Variants in SYN3 observed in about 807,000 individuals in gnomAD.
SYN3 encodes synapsin-3.
In SYN3, 35 loss-of-function variants were observed where a neutral mutation model predicts 65.8. That is an observed-to-expected ratio of 0.53 (90% CI 0.41 to 0.70). The LOEUF (loss-of-function observed/expected upper bound fraction) is 0.70, where lower values mean the gene tolerates loss of function less well. Among genes scored for constraint, SYN3 ranks in the 30% least tolerant of loss-of-function variants. SYN3 has a pLI of 0.00. For missense variants in SYN3, 680 were observed against 749.0 expected (o/e 0.91, Z 1.08); for synonymous variants, 270 against 292.9 (o/e 0.92, Z 0.80).
At chr22:32,669,911 C>A (rs1028453160) in intron 6 of SYN3, among the ~76,000 whole-genome samples, 1 of 152,074 alleles carries the variant, frequency 6.6e-6, no homozygotes, top group Non-Finnish European at 1.5e-5. Context: ...GGCCATGAGG[C>A]AGGTATAGCA....
chr22:32,820,273 T>C lies in SYN3; in HGVS notation c.711+44642A>G, dbSNP rs550405996. ...GTGTGTGTGTGTGTGCGTGCGCGTG[T>C]GTGTGTGTGTGTGTGGTGTGTGTGG... On this transcript the variant is annotated intron_variant, in intron 6 of 13. Coordinates refer to ENST00000358763, the MANE Select transcript of SYN3 (RefSeq NM_003490.4). Among the ~76,000 whole-genome samples the C allele has an allele frequency of 6.7e-3, 1,001 of 150,116 alleles. 13 individuals are homozygous for C. The highest frequency in any genetic ancestry group is 0.021 in the African/African-American group (875 of 40,736).
intron 6 of SYN3, among the ~76,000 whole-genome samples, chr22:32,742,578 C>T (rs1024896438): frequency 2.0e-5 from 3 of 152,154 alleles, no homozygotes; most frequent in African/African-American, 7.2e-5. Context: ...TGTTCTTTCT[C>T]ACTCTATAGA....
At chr22:33,052,986 A>G (rs1218287070) in intron 1 of SYN3, among the ~76,000 whole-genome samples, 1 of 152,226 alleles carries the variant, frequency 6.6e-6, no homozygotes, top group Non-Finnish European at 1.5e-5. Flanking sequence ...GCAACCACTG[A>G]TCAACTCAGA....
At chr22:32,917,852 C>T (rs973508754) in intron 4 of SYN3, among the ~76,000 whole-genome samples, 1 of 152,258 alleles carries the variant, frequency 6.6e-6, no homozygotes, top group African/African-American at 2.4e-5. Context: ...CTTTCTTGTG[C>T]TGCTCTCTTC....
At chr22:32,997,377 C>T (rs1002156809) in intron 2 of SYN3, among the ~76,000 whole-genome samples, 1 of 152,190 alleles carries the variant, frequency 6.6e-6, no homozygotes, top group Admixed American at 6.5e-5. Flanking sequence ...ATTTGACCAA[C>T]ACTCTTCAGC....
chr22:32,533,840 C>A lies in SYN3; in HGVS notation c.1048G>T (p.Ala350Ser), dbSNP rs1569012814. 4 of 1,613,980 alleles carry A rather than the reference C, an allele frequency of 2.5e-6. No individual in the cohort carries two copies. Among genetic ancestry groups the A allele is most frequent in the Non-Finnish European group, 3.4e-6 (4 of 1,179,952 alleles). ...TCCTTGCTGTGGACAGCCTTGACGG[C>A]ACAGATGTCCAGGCCGCCAAACATT... ...SEMFGGLDIC[A>S]VKAVHSKDGR... The change falls in exon 10 of 14, where the codon GCC becomes TCC. Residue 350 changes from alanine to serine, a missense_variant. Coordinates refer to ENST00000358763, the MANE Select transcript of SYN3 (RefSeq NM_003490.4).
intron 3 of SYN3, among the ~76,000 whole-genome samples, chr22:32,950,905 A>G (rs958733609): frequency 7.9e-5 from 12 of 152,142 alleles, no homozygotes; most frequent in African/African-American, 2.9e-4. Flanking sequence ...GTGATTGTCA[A>G]GGAAGGATTA....
chr22:32,974,303 A>G (rs1601820293), intron 3 of SYN3, among the ~76,000 whole-genome samples: 2 of 152,248 alleles, frequency 1.3e-5, no homozygotes, highest in Admixed American at 6.5e-5. Flanking sequence ...CAAGACACTT[A>G]CTCTCTGTGA....
chr22:32,690,205 T>G (rs2060644134), intron 6 of SYN3, among the ~76,000 whole-genome samples: 1 of 151,780 alleles, frequency 6.6e-6, no homozygotes, highest in African/African-American at 2.4e-5. Flanking sequence ...GAGAGATCCA[T>G]CTCCCCTTCT....
At position 32,801,694 on chromosome 22, in the gene SYN3, G is replaced by A; in HGVS notation, c.711+63221C>T. 5.5e-6 allele frequency: 1 copy of A among 182,256 alleles called. No individual in the cohort carries two copies. Among genetic ancestry groups the A allele is most frequent in the Non-Finnish European group, 1.1e-5 (1 of 89,520 alleles). The allele number at this position is 182,256 out of a possible 1,614,324, so 11.3% of individuals were successfully genotyped here. A position where few individuals can be genotyped will look rare whatever the true frequency, so the allele number is the denominator to read the frequency against. On this transcript the variant is annotated intron_variant, in intron 6 of 13. Coordinates refer to ENST00000358763, the MANE Select transcript of SYN3 (RefSeq NM_003490.4). This position sits in a 1 kb window ranked among gnomAD's most constrained non-coding sequence, Gnocchi z 4.7. ...CAGCGCTATATCACTCGGCCGCCCA[G>A]GCAGCGGCGCAGAGCGGGCAGCAGG...
intron 1 of SYN3, among the ~76,000 whole-genome samples, chr22:33,041,292 TTC>T (rs1288595979): frequency 2.3e-5 from 3 of 130,064 alleles, no homozygotes; most frequent in African/African-American, 8.9e-5. Context: ...TAGGAACTCT[TTC>T]TTTTTTTTTT....
At chr22:32,738,432 C>T (rs991504596) in intron 6 of SYN3, among the ~76,000 whole-genome samples, 1 of 152,244 alleles carries the variant, frequency 6.6e-6, no homozygotes, top group Admixed American at 6.5e-5. Context: ...TGGGATCCTT[C>T]CCTCTCCCCA....
intron 6 of SYN3, chr22:32,859,161 G>GT (rs1204803807): frequency 6.2e-7 from 1 of 1,614,062 alleles, no homozygotes; most frequent in Non-Finnish European, 8.5e-7. Flanking sequence ...ATCAACTGCT[G>GT]CCTGTTATCT....
At chr22:32,679,712 G>A (rs1264483532) in intron 6 of SYN3, among the ~76,000 whole-genome samples, 1 of 151,410 alleles carries the variant, frequency 6.6e-6, no homozygotes, top group African/African-American at 2.4e-5. Flanking sequence ...TTTGATTTTT[G>A]TTTCCTAATG....
intron 4 of SYN3, among the ~76,000 whole-genome samples, chr22:32,902,585 T>G (rs1271335183): frequency 6.6e-6 from 1 of 152,222 alleles, no homozygotes; most frequent in Non-Finnish European, 1.5e-5. Context: ...TTGCTTATGA[T>G]CACCTTGCTA....
At chr22:33,037,659 T>C (rs9609688) in intron 1 of SYN3, among the ~76,000 whole-genome samples, 28,411 of 152,046 alleles carry the variant, frequency 0.19, 2,996 homozygotes, top group East Asian at 0.41. Flanking sequence ...GGTTCGGTAA[T>C]TTGCCTAAGG....
intron 7 of SYN3, among the ~76,000 whole-genome samples, chr22:32,558,110 A>ATAG (rs2058529737): frequency 6.6e-6 from 1 of 152,226 alleles, no homozygotes; most frequent in Non-Finnish European, 1.5e-5. Context: ...CACCTAGCAC[A>ATAG]TAGTAGGTGC....
intron 6 of SYN3, among the ~76,000 whole-genome samples, chr22:32,790,098 G>C (rs532270340): frequency 6.6e-6 from 1 of 152,344 alleles, no homozygotes; most frequent in Non-Finnish European, 1.5e-5. Flanking sequence ...ACACAGTTAA[G>C]AAAAGGCAGT....
chr22:33,030,164 GCCAGGCACC>G (rs2053723579), intron 1 of SYN3, among the ~76,000 whole-genome samples: 3 of 152,154 alleles, frequency 2.0e-5, no homozygotes, highest in Non-Finnish European at 1.5e-5. Context: ...AGCAGGCAGG[GCCAGGCACC>G]CCGTCAATGA....
Sources: allele counts gnomAD v4.1 joint callset (sites outside exome capture counted in the v4.1 genomes callset), GRCh38; gene constraint gnomAD v4.1.1; non-coding constraint Gnocchi (gnomAD v3.1); transcripts MANE v1.5; gene names NCBI Gene and HGNC (gene_info 2026-07-23, HGNC 2026-07-21).